The following KCNMB3 variants were observed in gnomAD, a reference collection of about 807,000 sequenced individuals.
The protein encoded by KCNMB3 is calcium-activated potassium channel subunit beta-3.
KCNMB3 carries 18 observed loss-of-function variants against 11.9 expected under a neutral mutation model. That is an observed-to-expected ratio of 1.51 (90% CI 1.04 to 2.23). KCNMB3 has a LOEUF of 2.23. Among genes scored for constraint, KCNMB3 ranks in the 30% most tolerant of loss-of-function variants. The pLI, the probability that KCNMB3 is intolerant of heterozygous loss-of-function variation, is 0.00. For synonymous variants in KCNMB3, 78 were observed against 119.2 expected (o/e 0.65, Z 2.25); for missense variants, 247 against 329.4 (o/e 0.75, Z 1.94).
intron 2 of KCNMB3, among the ~76,000 whole-genome samples, chr3:179,244,098 A>G (rs1411026100): frequency 6.6e-6 from 1 of 152,218 alleles, no homozygotes; most frequent in Non-Finnish European, 1.5e-5. Context: ...ATATGAACCC[A>G]TTGTGTAACT....
At chr3:179,266,662 T>C (rs748652135) in exon 1 of KCNMB3, 17 of 1,614,016 alleles carry the variant, frequency 1.1e-5, no homozygotes, top group Non-Finnish European at 1.4e-5. Context: ...CCCTGGCGCC[T>C]CCGGCTGCCC....
intron 1 of KCNMB3, among the ~76,000 whole-genome samples, chr3:179,246,757 C>T (rs1287480548): frequency 6.6e-6 from 1 of 152,214 alleles, no homozygotes; most frequent in African/African-American, 2.4e-5. Flanking sequence ...CTTAAGCTCT[C>T]TAAATCTTGA....
At chr3:179,259,474 G>T in intron 1 of KCNMB3, 1 of 1,612,570 alleles carries the variant, frequency 6.2e-7, no homozygotes, top group South Asian at 1.1e-5. Context: ...TTGCCTTCTT[G>T]GTCAAGTTTT....
chr3:179,258,196 A>T (rs1461319436), intron 1 of KCNMB3, among the ~76,000 whole-genome samples: 1 of 152,220 alleles, frequency 6.6e-6, no homozygotes, highest in African/African-American at 2.4e-5. Flanking sequence ...AAAAACATTT[A>T]AAAAATGACT....
At chr3:179,259,327 T>A in intron 1 of KCNMB3, 7 of 1,565,314 alleles carry the variant, frequency 4.5e-6, no homozygotes, top group Non-Finnish European at 6.0e-6. Flanking sequence ...GCACCAGCTA[T>A]TTTAGCATTA....
exon 1 of KCNMB3, chr3:179,266,735 C>T (rs767618210): frequency 1.9e-6 from 3 of 1,613,516 alleles, no homozygotes; most frequent in South Asian, 1.1e-5. Context: ...GAGAAAATGG[C>T]TCCCTTTCAC....
Position 179,250,955 on chromosome 3 carries a change from A to G in KCNMB3, c.36T>C (p.Ser12=). 1 of 1,614,118 alleles carries G rather than the reference A, an allele frequency of 6.2e-7. No homozygotes were observed. Among genetic ancestry groups the G allele is most frequent in the South Asian group, 1.1e-5 (1 of 91,070 alleles). ...FPLLYELTAV[S]PSPFPQRTAF... ...CTGTCCTTTGGGGAAAGGGAGAAGGAGATACTGCAGTGAGCTCATAAAGAA... is the reference window on the plus strand; with the variant it reads ...CTGTCCTTTGGGGAAAGGGAGAAGGGGATACTGCAGTGAGCTCATAAAGAA... Residue 12 remains serine, a synonymous_variant, in exon 1 of 3, where the codon TCT becomes TCC. Transcript: ENST00000392685.
intron 1 of KCNMB3, chr3:179,260,068 C>T: frequency 6.2e-6 from 10 of 1,610,018 alleles, no homozygotes; most frequent in Middle Eastern, 1.7e-4. Flanking sequence ...TGGGGGACCT[C>T]TACCATACAT....
At chr3:179,260,178 T>C (rs1295318991) in intron 1 of KCNMB3, 14 of 1,612,182 alleles carry the variant, frequency 8.7e-6, no homozygotes, top group East Asian at 2.2e-5. Context: ...CTCTCCCACA[T>C]TCTCTGTGTG....
intron 1 of KCNMB3, among the ~76,000 whole-genome samples, chr3:179,249,993 TG>T (rs1725779890): frequency 6.6e-6 from 1 of 152,106 alleles, no homozygotes; most frequent in South Asian, 2.1e-4. Context: ...CGTTTACCTT[TG>T]TAACAAACCT....
At chr3:179,257,184 T>A (rs56295844) in intron 1 of KCNMB3, among the ~76,000 whole-genome samples, 71,442 of 152,090 alleles carry the variant, frequency 0.47, 18,637 homozygotes, top group East Asian at 0.87. Context: ...TTTTCAAATA[T>A]AAAGATTGTC....
chr3:179,260,783 A>G, intron 1 of KCNMB3: 1 of 1,424,676 alleles, frequency 7.0e-7, no homozygotes, highest in Non-Finnish European at 9.9e-7. Flanking sequence ...TTCCCTTTCA[A>G]ATTATTTGTT....
At chr3:179,263,780 T>C (rs1013636473) in intron 1 of KCNMB3, among the ~76,000 whole-genome samples, 12 of 149,892 alleles carry the variant, frequency 8.0e-5, no homozygotes, top group Non-Finnish European at 1.6e-4. Flanking sequence ...TTGTTTCTGT[T>C]TTGTTTTTCT....
At chr3:179,263,300 G>A (rs542553047) in intron 1 of KCNMB3, among the ~76,000 whole-genome samples, 29 of 152,348 alleles carry the variant, frequency 1.9e-4, no homozygotes, top group African/African-American at 7.0e-4. Flanking sequence ...TCGGCCACTC[G>A]GAGTGCTGGC....
chr3:179,261,313 C>A, intron 1 of KCNMB3: 2 of 1,230,746 alleles, frequency 1.6e-6, no homozygotes, highest in South Asian at 6.1e-5. Flanking sequence ...GGGAAACGCT[C>A]GGGGACCGTG....
At chr3:179,251,586 G>A (rs1171377106), upstream of KCNMB3, 2 of 1,287,124 alleles carry the variant, frequency 1.6e-6, no homozygotes. Flanking sequence ...ACCTGCTCCA[G>A]CAAAGGATGA....
chr3:179,250,684 C>T (rs952225575), intron 1 of KCNMB3, 59 bp downstream of exon 1: 34 of 1,548,130 alleles, frequency 2.2e-5, no homozygotes, highest in African/African-American at 1.2e-4. Flanking sequence ...CCTCCTTTAC[C>T]GCTGTGCCTG....
Position 179,260,487 on chromosome 3 carries a change from T to C in KCNMB3, c.62+6162A>G, listed in dbSNP as rs1285274830. ...TGTGTGTTGTTCTTTCTCAGTATTGTGCAAGATTTCTCTTTTCCCCACATT... is the reference window on the plus strand; with the variant it reads ...TGTGTGTTGTTCTTTCTCAGTATTGCGCAAGATTTCTCTTTTCCCCACATT... On this transcript the variant is annotated intron_variant, in intron 1 of 3. Transcript: ENST00000349697. 3.1e-6 allele frequency: 5 copies of C among 1,610,236 alleles called. No individual in the cohort carries two copies. In the African/African-American group the frequency reaches 5.3e-5, roughly 17 times the overall value.
Position 179,242,870 on chromosome 3 carries a change from A to G in KCNMB3, c.*34T>C, listed in dbSNP as rs2108437127. ...GTCCTCAGTTGCAGAAATCACAGACATCTGAAGGCCAGCACTTTAATTTGG... is the reference window on the plus strand; with the variant it reads ...GTCCTCAGTTGCAGAAATCACAGACGTCTGAAGGCCAGCACTTTAATTTGG... On this transcript the variant is annotated 3_prime_UTR_variant, in exon 3 of 3. Transcript: ENST00000392685. 2 of 1,546,556 alleles carry G rather than the reference A, an allele frequency of 1.3e-6. No individual in the cohort carries two copies. Among genetic ancestry groups the G allele is most frequent in the Non-Finnish European group, 8.7e-7 (1 of 1,148,854 alleles).
Sources: gnomAD v4.1 joint callset for allele counts (sites outside exome capture counted in the v4.1 genomes callset) on GRCh38, gnomAD v4.1.1 for gene constraint, MANE v1.5 for transcripts, NCBI Gene and HGNC (gene_info 2026-07-23, HGNC 2026-07-21) for gene names.